The following LIN54 variants were observed in gnomAD, a reference collection of about 807,000 sequenced individuals.
The protein encoded by LIN54 is lin-54 DREAM MuvB core complex component, also known as protein lin-54 homolog.
In LIN54, 9 loss-of-function variants were observed where a neutral mutation model predicts 78.7. The ratio of observed to expected loss-of-function variants is 0.11; its 90% CI spans 0.07 to 0.20. The LOEUF is 0.20. Among genes scored for constraint, LIN54 ranks in the 10% least tolerant of loss-of-function variants. LIN54 has a pLI of 1.00. For missense variants in LIN54, 573 were observed against 889.9 expected, an observed-to-expected ratio of 0.64 and a Z score of 4.53; for synonymous variants, 269 against 318.4, an observed-to-expected ratio of 0.84 and a Z score of 1.65.
chr4:82,997,608 T>A (rs1728327553), intron 1 of LIN54, among the ~76,000 whole-genome samples: 1 of 152,024 alleles, frequency 6.6e-6, no homozygotes, highest in Non-Finnish European at 1.5e-5. Context: ...ATCTGAGGAT[T>A]TTGGAGGCAG....
intron 4 of LIN54, among the ~76,000 whole-genome samples, chr4:82,968,332 A>G (rs1234871722): frequency 2.6e-5 from 4 of 152,162 alleles, no homozygotes; most frequent in Admixed American, 6.6e-5. Flanking sequence ...GGAAGATCCA[A>G]TATGGCAGGG....
intron 1 of LIN54, among the ~76,000 whole-genome samples, chr4:83,002,056 A>C (rs951783634): frequency 6.6e-6 from 1 of 150,882 alleles, no homozygotes; most frequent in Non-Finnish European, 1.5e-5. Context: ...GATGGAGATG[A>C]GTGCTTCCGA....
intron 1 of LIN54, among the ~76,000 whole-genome samples, chr4:83,000,725 G>A (rs1458131199): frequency 2.0e-5 from 3 of 151,600 alleles, no homozygotes; most frequent in African/African-American, 2.4e-5. Flanking sequence ...AGAGAACCCC[G>A]CTGAGAGAAC....
Position 82,947,235 on chromosome 4 carries a change from A to ATATATATATTTT in LIN54, c.952-762_952-761insAAAATATATATA. On this transcript the variant is annotated intron_variant, in intron 4 of 12. Coordinates refer to ENST00000340417, the MANE Select transcript of LIN54 (RefSeq NM_194282.4). ...TATATATATATATATATATATATAT[A>ATATATATATTTT]TTTTTTTTTTTTTTGAAGACAGGGT... 3.0e-3 allele frequency among the ~76,000 whole-genome samples: 131 copies of ATATATATATTTT among 44,274 alleles called. 3 individuals are homozygous for ATATATATATTTT. The highest frequency in any genetic ancestry group is 4.0e-3 in the Non-Finnish European group (108 of 27,264). The allele number at this position is 44,274 out of a possible 152,430, so 29.0% of individuals were successfully genotyped here. A position where few individuals can be genotyped will look rare whatever the true frequency, so the allele number is the denominator to read the frequency against.
chr4:82,928,367 T>C lies in LIN54; in HGVS notation c.2049-64A>G. ...TAAATAACAACAAAAGTGGATAACA[T>C]TCTTTCATCTGGAAATCTCTACTGA... On this transcript the variant is annotated intron_variant, in intron 12 of 12. Coordinates refer to ENST00000340417, the MANE Select transcript of LIN54 (RefSeq NM_194282.4). 3 of 1,257,774 alleles carry C rather than the reference T, an allele frequency of 2.4e-6. No homozygotes were observed. The Admixed American group carries it at 5.2e-5, about 22-fold the overall frequency. The allele number at this position is 1,257,774 out of a possible 1,614,324, so 77.9% of individuals were successfully genotyped here. A position where few individuals can be genotyped will look rare whatever the true frequency, so the allele number is the denominator to read the frequency against.
At chr4:82,945,787 C>T (rs376638338) in intron 5 of LIN54, among the ~76,000 whole-genome samples, 1 of 152,274 alleles carries the variant, frequency 6.6e-6, no homozygotes, top group South Asian at 2.1e-4. Context: ...AGCCACCGTG[C>T]CTGGCCTTTT....
chr4:82,954,963 G>A (rs141663684), intron 4 of LIN54, among the ~76,000 whole-genome samples: 65 of 152,204 alleles, frequency 4.3e-4, no homozygotes, highest in African/African-American at 1.5e-3. Context: ...CTACCAAAAG[G>A]ACAATCCATG....
Position 82,950,699 on chromosome 4 carries a change from G to A in LIN54, c.952-4225C>T, listed in dbSNP as rs1197812920. The stretch of plus-strand genomic sequence containing the variant: ...TATATAAGTGACTGCCCTCAAAAAC[G>A]CGGACAGACTTGCAAGACATTTCTT... On this transcript the variant is annotated intron_variant, in intron 4 of 12. Transcript: ENST00000340417. Among the ~76,000 whole-genome samples the A allele has an allele frequency of 3.9e-5, 6 of 152,120 alleles. No individual in the cohort carries two copies. In the East Asian group the frequency reaches 9.6e-4, roughly 24 times the overall value.
rs570532042 is a variant in LIN54, at chr4:82,984,330, T to C, written c.515A>G (p.Gln172Arg). 2 of 1,614,162 alleles carry C rather than the reference T, an allele frequency of 1.2e-6. No individual in the cohort carries two copies. Among genetic ancestry groups the C allele is most frequent in the Admixed American group, 1.7e-5 (1 of 60,020 alleles). Residue 172 changes from glutamine (Q) to arginine (R), a missense_variant, in exon 2 of 13, where the codon CAG becomes CGG. By Grantham distance (43) the Gln-to-Arg change is conservative. Transcript: ENST00000340417. The part of the protein sequence containing the change: ...PQAQKVTTQA[Q>R]SGDAKLPPQQ... ...CGGTGGTAACTTAGCATCTCCTGAC[T>C]GGGCCTGAGTTGTAACTTTCTGAGC...
At chr4:82,959,257 G>A (rs1724592705) in intron 4 of LIN54, among the ~76,000 whole-genome samples, 1 of 152,110 alleles carries the variant, frequency 6.6e-6, no homozygotes, top group African/African-American at 2.4e-5. Flanking sequence ...CAGCAACTCA[G>A]GAGGTTGAGG....
At chr4:83,002,161 T>G (rs1728900994) in intron 1 of LIN54, among the ~76,000 whole-genome samples, 1 of 150,986 alleles carries the variant, frequency 6.6e-6, no homozygotes. Context: ...CTTTTGAAAT[T>G]TTTTATGACA....
At chr4:82,955,206 A>G (rs1161678759) in intron 4 of LIN54, among the ~76,000 whole-genome samples, 1 of 152,098 alleles carries the variant, frequency 6.6e-6, no homozygotes, top group African/African-American at 2.4e-5. Flanking sequence ...TCTACTAAAA[A>G]TACAAAAATT....
intron 1 of LIN54, among the ~76,000 whole-genome samples, chr4:83,002,322 G>T (rs1728915070): frequency 6.6e-6 from 1 of 151,192 alleles, no homozygotes; most frequent in African/African-American, 2.4e-5. Flanking sequence ...GATCGCCTAA[G>T]CCCAGGTGGA....
At chr4:82,936,256 T>G (rs765730248) in intron 10 of LIN54, 23 bp downstream of exon 10, 1 of 1,516,134 alleles carries the variant, frequency 6.6e-7, no homozygotes, top group South Asian at 1.2e-5. Context: ...TTCTGTCAGT[T>G]AAATGAAATA....
intron 5 of LIN54, among the ~76,000 whole-genome samples, chr4:82,941,331 A>G (rs1164265912): frequency 1.3e-5 from 2 of 152,046 alleles, no homozygotes; most frequent in African/African-American, 4.8e-5. Flanking sequence ...TAATCTTGGG[A>G]AGCTGCAAAG....
intron 2 of LIN54, among the ~76,000 whole-genome samples, chr4:82,979,939 C>CAAAAAAAAAAAAAAAAAAAA (rs70943176): frequency 2.0e-5 from 1 of 49,852 alleles, no homozygotes; most frequent in Non-Finnish European, 3.5e-5. Context: ...GACTCTGTCT[C>CAAAAAAAAAAAAAAAAAAAA]AAAAAAAAAA....
At chr4:82,947,985 C>T (rs985953950) in intron 4 of LIN54, among the ~76,000 whole-genome samples, 5 of 152,030 alleles carry the variant, frequency 3.3e-5, no homozygotes, top group African/African-American at 1.2e-4. Flanking sequence ...GACATTACTT[C>T]CGCATAAAAT....
Position 82,927,484 on chromosome 4 carries a change from T to TA in LIN54, c.*617dup, listed in dbSNP as rs1370880392. On this transcript the variant is annotated 3_prime_UTR_variant, in exon 13 of 13. Transcript: ENST00000340417. ...TCCTCTGAGATTTACTGTCCTTTAA[T>TA]ATTTTATATGTTTTTTTAAATAACT... The TA allele has an allele frequency of 6.6e-6, 1 of 152,238 alleles. No individual in the cohort carries two copies. The highest frequency in any genetic ancestry group is 6.5e-5 in the Admixed American group (1 of 15,286). The allele number at this position is 152,238 out of a possible 1,614,324, so 9.4% of individuals were successfully genotyped here.
intron 4 of LIN54, among the ~76,000 whole-genome samples, chr4:82,947,235 A>ATATATATATATTTT: frequency 5.4e-4 from 24 of 44,286 alleles, no homozygotes; most frequent in East Asian, 2.0e-3. Context: ...ATATATATAT[A>ATATATATATATTTT]TTTTTTTTTT....
Sources: allele counts gnomAD v4.1 joint callset (sites outside exome capture counted in the v4.1 genomes callset), GRCh38; gene constraint gnomAD v4.1.1; transcripts MANE v1.5; gene names NCBI Gene and HGNC (gene_info 2026-07-23, HGNC 2026-07-21).